Variants in DCHS2 observed in about 807,000 individuals in gnomAD.
DCHS2 encodes the protein dachsous cadherin-related 2, also known as protocadherin-23.
Under a neutral mutation model 182.4 loss-of-function variants are expected in DCHS2, and 142 were observed. That is an observed-to-expected ratio of 0.78 (90% CI 0.68 to 0.89). The LOEUF (loss-of-function observed/expected upper bound fraction) is 0.89, where lower values mean the gene tolerates loss of function less well. Among genes scored for constraint, DCHS2 ranks in the 40% least tolerant of loss-of-function variants. The probability of loss-of-function intolerance (pLI) is 0.00; values close to 1 mark genes in which losing one functional copy is unlikely to be tolerated. For synonymous variants in DCHS2, 1,740 were observed against 1,663.3 expected (o/e 1.05, Z -1.12); for missense variants, 4,319 against 4,198.6 (o/e 1.03, Z -0.79).
intron 1 of DCHS2, among the ~76,000 whole-genome samples, chr4:154,423,015 T>C (rs1347838069): frequency 6.6e-6 from 1 of 152,198 alleles, no homozygotes; most frequent in African/African-American, 2.4e-5. Flanking sequence ...TGTTAAAATT[T>C]TATGATATGT....
rs1401085461 is a variant in DCHS2, at chr4:154,489,574, TGATTGCAGGGAGCCGA to T, written c.1766_1781del (p.Leu589GlnfsTer28). On this transcript the variant is annotated frameshift_variant, in exon 1 of 20. Coordinates refer to ENST00000357232, the MANE Select transcript of DCHS2 (RefSeq NM_001358235.2). LOFTEE classifies it high-confidence loss of function. ...CACACTCTGCGGTGTGGACCATCTTTGATTGCAGGGAGCCGAGATTGCAGGGAGCCGAGAGTTGGAC... is the reference window on the plus strand; with the variant it reads ...CACACTCTGCGGTGTGGACCATCTTTGATTGCAGGGAGCCGAGAGTTGGAC... 12 of 1,550,798 alleles carry T rather than the reference TGATTGCAGGGAGCCGA, an allele frequency of 7.7e-6. No homozygotes were observed. The highest frequency in any genetic ancestry group is 1.2e-5 in the South Asian group (1 of 84,040).
intron 1 of DCHS2, among the ~76,000 whole-genome samples, chr4:154,398,224 T>A (rs997827841): frequency 6.6e-6 from 1 of 152,210 alleles, no homozygotes; most frequent in East Asian, 1.9e-4. Context: ...AAATCAAGAA[T>A]TGTACCCATA....
chr4:154,301,824 A>G (rs1199949300), intron 12 of DCHS2, among the ~76,000 whole-genome samples: 1 of 152,206 alleles, frequency 6.6e-6, no homozygotes, highest in African/African-American at 2.4e-5. Flanking sequence ...TTTTAGCAAA[A>G]AGGAACATGC....
intron 3 of DCHS2, among the ~76,000 whole-genome samples, chr4:154,363,134 C>A (rs1292563900): frequency 6.6e-6 from 1 of 152,006 alleles, no homozygotes; most frequent in African/African-American, 2.4e-5. Context: ...GTGTTACAGT[C>A]ATTATGGAAA....
intron 1 of DCHS2, among the ~76,000 whole-genome samples, chr4:154,417,234 A>AGAGAGAGAGAGAGAGAGG (rs1732896307): frequency 4.7e-5 from 7 of 150,394 alleles, no homozygotes; most frequent in African/African-American, 1.5e-4. Context: ...AGAGAGAGAG[A>AGAGAGAGAGAGAGAGAGG]GAGAGAGAGA....
At chr4:154,325,653 AG>A (rs1192414023) in intron 7 of DCHS2, among the ~76,000 whole-genome samples, 2 of 152,166 alleles carry the variant, frequency 1.3e-5, no homozygotes, top group Non-Finnish European at 2.9e-5. Context: ...AGGAACACAG[AG>A]GAAGGGCTGT....
chr4:154,283,481 T>C (rs1363703991), intron 13 of DCHS2, among the ~76,000 whole-genome samples: 1 of 150,570 alleles, frequency 6.6e-6, no homozygotes, highest in Non-Finnish European at 1.5e-5. Context: ...GATGTGCAGA[T>C]AAACCAAAAT....
chr4:154,445,808 C>CAAAAA (rs11335225), intron 1 of DCHS2, among the ~76,000 whole-genome samples: 396 of 110,802 alleles, frequency 3.6e-3, no homozygotes, highest in Non-Finnish European at 6.4e-3. Flanking sequence ...AAGACACTGT[C>CAAAAA]AAAAAAAAAA....
At chr4:154,270,136 T>C in intron 13 of DCHS2, 123 bp from the exon 14 acceptor site, 1 of 1,220,382 alleles carries the variant, frequency 8.2e-7, no homozygotes, top group Non-Finnish European at 1.1e-6. Flanking sequence ...GATTCAACAA[T>C]AACTTATTGT....
intron 1 of DCHS2, among the ~76,000 whole-genome samples, chr4:154,391,802 C>T (rs1251735061): frequency 6.6e-6 from 1 of 152,158 alleles, no homozygotes. Flanking sequence ...GAGATGAAGG[C>T]GATGGGCCAC....
At chr4:154,247,565 C>G (rs1245437000) in intron 16 of DCHS2, among the ~76,000 whole-genome samples, 5 of 146,742 alleles carry the variant, frequency 3.4e-5, no homozygotes, top group Non-Finnish European at 1.5e-5. Context: ...TCGCTTGAAC[C>G]TGGGAGGCAG....
At chr4:154,252,045 T>C (rs368030060) in intron 16 of DCHS2, among the ~76,000 whole-genome samples, 3 of 152,356 alleles carry the variant, frequency 2.0e-5, no homozygotes, top group South Asian at 2.1e-4. Flanking sequence ...TCATGACTGA[T>C]ACTATCTCCC....
rs5863102 is a variant in DCHS2, at chr4:154,463,692, T to TTC, written c.2052+25610_2052+25611dup. On this transcript the variant is annotated intron_variant, in intron 1 of 19. Coordinates refer to ENST00000357232, the MANE Select transcript of DCHS2 (RefSeq NM_001358235.2). Reference sequence around the variant, plus strand: ...AAAATCCTGTAAGCTATTCTCTCTTTTCTCTCTCTCTCTCTCTCTCTCTCT... The same window carrying TTC: ...AAAATCCTGTAAGCTATTCTCTCTTTTCTCTCTCTCTCTCTCTCTCTCTCTCT... 7.5e-3 allele frequency among the ~76,000 whole-genome samples: 1,096 copies of TTC among 145,348 alleles called. 7 individuals are homozygous for TTC. The highest frequency in any genetic ancestry group is 0.02 in the African/African-American group (781 of 39,468).
At chr4:154,390,186 A>T (rs1197344977) in intron 1 of DCHS2, among the ~76,000 whole-genome samples, 2 of 150,920 alleles carry the variant, frequency 1.3e-5, no homozygotes, top group Non-Finnish European at 3.0e-5. Context: ...ACATATGTAT[A>T]CATGTGCCAC....
intron 1 of DCHS2, among the ~76,000 whole-genome samples, chr4:154,404,041 T>C (rs991479343): frequency 1.2e-4 from 18 of 152,104 alleles, no homozygotes; most frequent in African/African-American, 4.3e-4. Flanking sequence ...TTTCATATGG[T>C]AATTTTCTCT....
chr4:154,391,355 C>T, intron 1 of DCHS2: 8 of 1,537,522 alleles, frequency 5.2e-6, no homozygotes, highest in Non-Finnish European at 7.0e-6. Flanking sequence ...GGCATGAACC[C>T]TTTCCTTGTG....
chr4:154,424,026 G>T (rs878971132), intron 1 of DCHS2, among the ~76,000 whole-genome samples: 1 of 152,134 alleles, frequency 6.6e-6, no homozygotes, highest in Admixed American at 6.5e-5. Flanking sequence ...ATAAATTATT[G>T]TACTTACAAT....
At position 154,377,321 on chromosome 4, in the gene DCHS2, C is replaced by T. The variant is rs1476464312; in HGVS notation, c.2176G>A (p.Val726Ile). 1.2e-5 allele frequency: 20 copies of T among 1,613,528 alleles called. No homozygotes were observed. The highest frequency in any genetic ancestry group is 1.5e-5 in the Non-Finnish European group (18 of 1,179,742). The change falls in exon 2 of 20, where the codon GTT (valine) becomes ATT (isoleucine). Residue 726 changes from valine to isoleucine, a missense_variant. Transcript: ENST00000357232. Reference sequence around the variant, plus strand: ...CTTTCCCTGTCGATATCTTGAGAAACACAGATTTGCCCATCATGAGGGTCG... The same window carrying T: ...CTTTCCCTGTCGATATCTTGAGAAATACAGATTTGCCCATCATGAGGGTCG... ...RIDPHDGQIC[V>I]SQDIDRERDP...
At chr4:154,302,276 T>G (rs1020014118) in intron 12 of DCHS2, among the ~76,000 whole-genome samples, 2 of 152,222 alleles carry the variant, frequency 1.3e-5, no homozygotes, top group African/African-American at 2.4e-5. Flanking sequence ...TTTCAAACAG[T>G]AGAGTCTGTG....
Sources: gnomAD v4.1 joint callset for allele counts (sites outside exome capture counted in the v4.1 genomes callset) on GRCh38, gnomAD v4.1.1 for gene constraint, MANE v1.5 for transcripts, NCBI Gene and HGNC (gene_info 2026-07-23, HGNC 2026-07-21) for gene names.